The following CYTH3 variants were observed in gnomAD, a reference collection of about 807,000 sequenced individuals.
CYTH3 encodes cytohesin-3.
CYTH3 carries 23 observed loss-of-function variants against 55.1 expected under a neutral mutation model. That is an observed-to-expected ratio of 0.42 (90% confidence interval 0.30 to 0.59). The LOEUF (loss-of-function observed/expected upper bound fraction) is 0.59, where lower values mean the gene tolerates loss of function less well. Ranked by LOEUF, CYTH3 falls within the 20% of genes least tolerant of loss-of-function variation. The pLI is 0.20. For missense variants in CYTH3, 413 were observed against 524.8 expected, an observed-to-expected ratio of 0.79 and a Z score of 2.08; for synonymous variants, 249 against 194.9, an observed-to-expected ratio of 1.28 and a Z score of -2.31.
At chr7:6,238,498 T>C (rs1010817389) in intron 1 of CYTH3, among the ~76,000 whole-genome samples, 112 of 152,278 alleles carry the variant, frequency 7.4e-4, no homozygotes, top group African/African-American at 2.6e-3. Context: ...AGTAAATACA[T>C]TACAGATAAT....
chr7:6,168,133 C>T (rs977464887), intron 9 of CYTH3, among the ~76,000 whole-genome samples: 4 of 152,102 alleles, frequency 2.6e-5, no homozygotes, highest in South Asian at 2.1e-4. Flanking sequence ...TCTTCATTGC[C>T]GTTAGCAGGC....
intron 1 of CYTH3, among the ~76,000 whole-genome samples, chr7:6,266,558 C>T (rs955846493): frequency 6.6e-6 from 1 of 152,178 alleles, no homozygotes. Flanking sequence ...CTATCTCTCC[C>T]GCTTCACTGT....
chr7:6,226,860 C>G (rs892222508), intron 1 of CYTH3, among the ~76,000 whole-genome samples: 7 of 152,098 alleles, frequency 4.6e-5, no homozygotes, highest in African/African-American at 1.7e-4. Flanking sequence ...GTGGGCGGAT[C>G]ACGAGGTCAG....
At chr7:6,176,431 T>C (rs531833418) in intron 5 of CYTH3, among the ~76,000 whole-genome samples, 4 of 151,816 alleles carry the variant, frequency 2.6e-5, no homozygotes, top group Non-Finnish European at 4.4e-5. Flanking sequence ...CCAGCCAATT[T>C]TTTGTGTTTT....
At position 6,177,957 on chromosome 7, in the gene CYTH3, A is replaced by G; in HGVS notation, c.250-16T>C. The G allele has an allele frequency of 6.3e-7, 1 of 1,582,372 alleles. No homozygotes were observed. The highest frequency in any genetic ancestry group is 8.7e-7 in the Non-Finnish European group (1 of 1,151,156). ...ACTGAATTCCCTGAAGAACATTAAA[A>G]TGGAAGCACTGGTTAGGAGTGTCAC... On this transcript the variant is annotated splice_polypyrimidine_tract_variant and intron_variant, in intron 4 of 12. Coordinates refer to ENST00000350796, the MANE Select transcript of CYTH3 (RefSeq NM_004227.4).
intron 1 of CYTH3, among the ~76,000 whole-genome samples, chr7:6,253,241 G>A (rs1021714252): frequency 6.2e-5 from 9 of 144,140 alleles, no homozygotes; most frequent in Middle Eastern, 3.4e-3. Context: ...TTTTGAGACA[G>A]AGTCATACTG....
At chr7:6,187,003 A>G in intron 4 of CYTH3, 47 bp downstream of exon 4, 1 of 1,579,572 alleles carries the variant, frequency 6.3e-7, no homozygotes, top group Non-Finnish European at 8.7e-7. Context: ...AGTTCAAATC[A>G]ATTAGTCCAT....
chr7:6,259,511 G>A (rs952867673), intron 1 of CYTH3, among the ~76,000 whole-genome samples: 9 of 151,292 alleles, frequency 5.9e-5, no homozygotes, highest in Non-Finnish European at 1.3e-4. Context: ...TTACATAATA[G>A]TGAAAAGATA....
intron 4 of CYTH3, among the ~76,000 whole-genome samples, chr7:6,181,044 A>T (rs1430833628): frequency 6.6e-6 from 1 of 152,218 alleles, no homozygotes. Context: ...TTAATAATTT[A>T]AAAATCCTAT....
Position 6,170,302 on chromosome 7 carries a change from G to A in CYTH3, c.823+233C>T, listed in dbSNP as rs779954324. On this transcript the variant is annotated intron_variant, in intron 9 of 12. Coordinates refer to ENST00000350796, the MANE Select transcript of CYTH3 (RefSeq NM_004227.4). This position sits in a 1 kb window ranked among gnomAD's most constrained non-coding sequence, Gnocchi z 7.8. The stretch of plus-strand genomic sequence containing the variant: ...GCTAACTCAGCAGTTTTCTGGGACG[G>A]GCCGTGCAGCCTGGGCGCTACTCTC... 8 of 532,292 alleles carry A rather than the reference G, an allele frequency of 1.5e-5. No individual in the cohort carries two copies. Among genetic ancestry groups the A allele is most frequent in the Non-Finnish European group, 2.0e-5 (6 of 302,476 alleles). The allele number at this position is 532,292 out of a possible 1,614,324, so 33.0% of individuals were successfully genotyped here. A position where few individuals can be genotyped will look rare whatever the true frequency, so the allele number is the denominator to read the frequency against.
At chr7:6,220,050 C>G (rs1007617187) in intron 1 of CYTH3, among the ~76,000 whole-genome samples, 1 of 151,750 alleles carries the variant, frequency 6.6e-6, no homozygotes, top group African/African-American at 2.4e-5. Context: ...CCACACCCAG[C>G]TAATTTTTGT....
chr7:6,255,513 AT>A (rs1320488096), intron 1 of CYTH3, among the ~76,000 whole-genome samples: 1 of 152,160 alleles, frequency 6.6e-6, no homozygotes, highest in Non-Finnish European at 1.5e-5. Context: ...TATCTCCAGC[AT>A]GATGCATCCC....
chr7:6,173,838 T>A, intron 5 of CYTH3, 105 bp from the exon 6 acceptor site: 1 of 726,170 alleles, frequency 1.4e-6, no homozygotes, highest in Non-Finnish European at 2.5e-6. Flanking sequence ...TGCACAAGTT[T>A]CTGCATGGCC....
chr7:6,255,052 T>C (rs981051689), intron 1 of CYTH3, among the ~76,000 whole-genome samples: 2 of 152,256 alleles, frequency 1.3e-5, no homozygotes, highest in African/African-American at 4.8e-5. Context: ...CTTAACACAC[T>C]GATGACTAAC....
chr7:6,224,096 T>A (rs897893431), intron 1 of CYTH3, among the ~76,000 whole-genome samples: 1 of 151,976 alleles, frequency 6.6e-6, no homozygotes, highest in Non-Finnish European at 1.5e-5. Context: ...AATGAGAAGG[T>A]GGACTCAAAC....
intron 1 of CYTH3, among the ~76,000 whole-genome samples, chr7:6,220,981 G>C (rs1784537168): frequency 1.3e-5 from 2 of 151,356 alleles, no homozygotes; most frequent in South Asian, 4.2e-4. Context: ...AGGCGACAGA[G>C]TGAGACCCCT....
At position 6,164,922 on chromosome 7, in the gene CYTH3, C is replaced by T; in HGVS notation, c.*22G>A. The T allele has an allele frequency of 6.2e-7, 1 of 1,614,180 alleles. No individual in the cohort carries two copies. Among genetic ancestry groups the T allele is most frequent in the Non-Finnish European group, 8.5e-7 (1 of 1,179,998 alleles). On this transcript the variant is annotated 3_prime_UTR_variant, in exon 13 of 13. Coordinates refer to ENST00000350796, the MANE Select transcript of CYTH3 (RefSeq NM_004227.4). ...TTTCTGCTGGGGTTGGGTCTTTTAC[C>T]TGGGTCTTTTAGCCAGGAAAGCTAT...
intron 1 of CYTH3, among the ~76,000 whole-genome samples, chr7:6,200,135 CAT>C (rs994873414): frequency 3.3e-5 from 5 of 152,118 alleles, no homozygotes; most frequent in African/African-American, 1.2e-4. Flanking sequence ...CACAGATACT[CAT>C]ATTAAAAAAT....
intron 2 of CYTH3, among the ~76,000 whole-genome samples, chr7:6,189,227 G>A (rs994861939): frequency 1.3e-5 from 2 of 152,178 alleles, no homozygotes; most frequent in Non-Finnish European, 2.9e-5. Context: ...TTCTCCTGTG[G>A]GACCGCCCTC....
Sources: allele counts gnomAD v4.1 joint callset (sites outside exome capture counted in the v4.1 genomes callset), GRCh38; gene constraint gnomAD v4.1.1; non-coding constraint Gnocchi (gnomAD v3.1); transcripts MANE v1.5; gene names NCBI Gene and HGNC (gene_info 2026-07-23, HGNC 2026-07-21).